ZNF385B: variants seen among roughly 807,000 people sequenced by gnomAD.
ZNF385B encodes the protein zinc finger protein 385B.
In ZNF385B, 23 loss-of-function variants were observed where a neutral mutation model predicts 39.2. The observed-to-expected ratio is 0.59, with a 90% CI of 0.42 to 0.83. The LOEUF is 0.83. Ranked by LOEUF, ZNF385B falls within the 40% of genes least tolerant of loss-of-function variation. The probability of loss-of-function intolerance (pLI) is 0.00; values close to 1 mark genes in which losing one functional copy is unlikely to be tolerated. For missense variants in ZNF385B, 552 were observed against 598.9 expected (o/e 0.92, Z 0.82); for synonymous variants, 205 against 222.6 (o/e 0.92, Z 0.70).
rs762051657 is a variant in ZNF385B at position 179,483,370 on chromosome 2, G to A, written c.617C>T (p.Thr206Met). ...HAKKVKALDA[T>M]KNKPKMVPSK... ...AGGAACCATTTTGGGTTTATTTTTC[G>A]TTGCGTCTAGTGCTTTGACCTTCTT... Residue 206 changes from threonine (T) to methionine (M), a missense_variant, in exon 6 of 10, where the codon ACG becomes ATG. Physicochemically the swap from Thr to Met is moderately conservative, Grantham distance 81. Coordinates refer to ENST00000410066, the MANE Select transcript of ZNF385B (RefSeq NM_152520.6). 2.0e-5 allele frequency: 32 copies of A among 1,613,860 alleles called. No individual in the cohort carries two copies. Among genetic ancestry groups the A allele is most frequent in the Middle Eastern group, 1.6e-4 (1 of 6,084 alleles).
intron 3 of ZNF385B, among the ~76,000 whole-genome samples, chr2:179,727,014 T>A (rs916793147): frequency 6.6e-6 from 1 of 151,994 alleles, no homozygotes; most frequent in Non-Finnish European, 1.5e-5. Context: ...GTATATCACA[T>A]TGTCTTGAAA....
intron 2 of ZNF385B, among the ~76,000 whole-genome samples, chr2:179,770,304 A>G (rs1703940943): frequency 6.6e-6 from 1 of 152,200 alleles, no homozygotes; most frequent in South Asian, 2.1e-4. Flanking sequence ...GTCTCTGGAT[A>G]TCCCTTAGGC....
chr2:179,824,905 G>GTTTTTT, intron 1 of ZNF385B, among the ~76,000 whole-genome samples: 1 of 152,006 alleles, frequency 6.6e-6, no homozygotes, highest in South Asian at 2.1e-4. Context: ...TTGGCAACAT[G>GTTTTTT]TATATCCTAA....
intron 3 of ZNF385B, among the ~76,000 whole-genome samples, chr2:179,705,139 C>T (rs773903056): frequency 6.6e-6 from 1 of 152,096 alleles, no homozygotes; most frequent in Non-Finnish European, 1.5e-5. Flanking sequence ...CCATCTCTGC[C>T]CTTAAGTCTT....
intron 3 of ZNF385B, among the ~76,000 whole-genome samples, chr2:179,646,511 C>CTCATTAATA (rs1295135926): frequency 6.6e-6 from 1 of 152,198 alleles, no homozygotes; most frequent in African/African-American, 2.4e-5. Context: ...ACAGGAGGTG[C>CTCATTAATA]TCATTAATAT....
chr2:179,792,375 CTTT>C (rs374147864), intron 1 of ZNF385B, among the ~76,000 whole-genome samples: 12 of 124,102 alleles, frequency 9.7e-5, no homozygotes, highest in African/African-American at 2.8e-4. Flanking sequence ...ATTTTCTTTT[CTTT>C]TTTTTTTTTT....
chr2:179,702,257 T>C (rs1699265675), intron 3 of ZNF385B, among the ~76,000 whole-genome samples: 1 of 152,222 alleles, frequency 6.6e-6, no homozygotes, highest in Admixed American at 6.5e-5. Context: ...TTAAAATACA[T>C]GCTAGTGAAA....
intron 3 of ZNF385B, among the ~76,000 whole-genome samples, chr2:179,705,701 T>TA (rs1314027314): frequency 1.3e-5 from 2 of 152,246 alleles, no homozygotes; most frequent in South Asian, 2.1e-4. Flanking sequence ...GACCAAGGGT[T>TA]AGCACACTTT....
At chr2:179,858,711 G>A (rs1315625560) in intron 1 of ZNF385B, among the ~76,000 whole-genome samples, 2 of 152,088 alleles carry the variant, frequency 1.3e-5, no homozygotes, top group African/African-American at 2.4e-5. Context: ...CACATAAAAA[G>A]CGGTGGGAAA....
At chr2:179,779,093 G>C (rs1278654076) in intron 1 of ZNF385B, among the ~76,000 whole-genome samples, 1 of 152,168 alleles carries the variant, frequency 6.6e-6, no homozygotes, top group East Asian at 1.9e-4. Flanking sequence ...TTAACAAGAA[G>C]TTGATGTTCT....
intron 1 of ZNF385B, among the ~76,000 whole-genome samples, chr2:179,855,820 C>G (rs916318302): frequency 6.6e-6 from 1 of 152,160 alleles, no homozygotes; most frequent in Non-Finnish European, 1.5e-5. Context: ...GCACAGTACT[C>G]TACTGCTGGC....
chr2:179,764,695 T>C (rs62180387), intron 3 of ZNF385B, among the ~76,000 whole-genome samples: 7,403 of 152,296 alleles, frequency 0.049, 255 homozygotes, highest in Middle Eastern at 0.099. Flanking sequence ...CATTTAACTT[T>C]CCTACTTTCA....
chr2:179,574,894 C>A (rs1515304), intron 3 of ZNF385B, among the ~76,000 whole-genome samples: 14,037 of 152,090 alleles, frequency 0.092, 718 homozygotes, highest in Middle Eastern at 0.19. Flanking sequence ...TAAAGCCCTG[C>A]CTTCTAGGAT....
intron 3 of ZNF385B, among the ~76,000 whole-genome samples, chr2:179,766,265 C>T (rs62180390): frequency 0.049 from 7,461 of 152,120 alleles, 259 homozygotes; most frequent in Middle Eastern, 0.099. Context: ...TCCAACACTA[C>T]AAAACCGACC....
At chr2:179,653,200 A>T (rs575166292) in intron 3 of ZNF385B, among the ~76,000 whole-genome samples, 23 of 152,306 alleles carry the variant, frequency 1.5e-4, no homozygotes, top group Admixed American at 1.4e-3. Flanking sequence ...GAACATCAGG[A>T]GACCATCAAA....
intron 3 of ZNF385B, among the ~76,000 whole-genome samples, chr2:179,710,441 T>C (rs1699919778): frequency 6.6e-6 from 1 of 152,104 alleles, no homozygotes; most frequent in Non-Finnish European, 1.5e-5. Flanking sequence ...ACAGATCACA[T>C]CTATTTTACA....
At chr2:179,626,813 A>G (rs1230177135) in intron 3 of ZNF385B, among the ~76,000 whole-genome samples, 1 of 152,166 alleles carries the variant, frequency 6.6e-6, no homozygotes, top group Non-Finnish European at 1.5e-5. Flanking sequence ...CACCCAACTT[A>G]AAGAATTTGG....
At position 179,445,667 on chromosome 2, in the gene ZNF385B, A is replaced by C; in HGVS notation, c.1023T>G (p.Pro341=). The C allele has an allele frequency of 6.2e-7, 1 of 1,614,068 alleles. No individual in the cohort carries two copies. The highest frequency in any genetic ancestry group is 8.5e-7 in the Non-Finnish European group (1 of 1,179,966). ...GCATCTTTAATCTTGATCCAGGTCT[A>C]GGATAGGATTTAATTGGACCAGCCC... The part of the protein sequence containing the change: ...RNGAGPIKSY[P]RPGSRLKMQN... The change falls in exon 8 of 10, where the codon CCT becomes CCG. Residue 341 remains proline (P), a synonymous_variant. Transcript: ENST00000410066.
intron 3 of ZNF385B, among the ~76,000 whole-genome samples, chr2:179,676,508 G>A (rs1696843628): frequency 6.6e-6 from 1 of 152,186 alleles, no homozygotes; most frequent in Non-Finnish European, 1.5e-5. Flanking sequence ...ACAGGCGTGA[G>A]GCCGACAGTA....
Sources: gnomAD v4.1 joint callset for allele counts (sites outside exome capture counted in the v4.1 genomes callset) on GRCh38, gnomAD v4.1.1 for gene constraint, MANE v1.5 for transcripts, NCBI Gene and HGNC (gene_info 2026-07-23, HGNC 2026-07-21) for gene names.